Variants in MNS1 observed in about 807,000 individuals in gnomAD.
MNS1 encodes the protein meiosis specific nuclear structural 1.
In MNS1, 63 loss-of-function variants were observed where a neutral mutation model predicts 72.0. That is an observed-to-expected ratio of 0.87 (90% CI 0.71 to 1.08). The LOEUF (loss-of-function observed/expected upper bound fraction) is 1.08, where lower values mean the gene tolerates loss of function less well. MNS1 is among the 50% of genes least tolerant of loss of function. The probability of loss-of-function intolerance (pLI) is 0.00; values close to 1 mark genes in which losing one functional copy is unlikely to be tolerated. For synonymous variants in MNS1, 188 were observed against 172.1 expected (o/e 1.09, Z -0.72); for missense variants, 604 against 562.4 (o/e 1.07, Z -0.75).
chr15:56,446,811 T>C, intron 4 of MNS1, 30 bp downstream of exon 4: 1 of 1,514,340 alleles, frequency 6.6e-7, no homozygotes, highest in Non-Finnish European at 9.1e-7. Context: ...TAAATGAAGC[T>C]AAAAACATAA....
chr15:56,458,918 T>C (rs1357671024), intron 2 of MNS1, among the ~76,000 whole-genome samples: 1 of 152,204 alleles, frequency 6.6e-6, no homozygotes, highest in Non-Finnish European at 1.5e-5. Context: ...ATTATAAACA[T>C]TTGTGCTATG....
intron 7 of MNS1, among the ~76,000 whole-genome samples, chr15:56,441,816 C>G (rs145441269): frequency 3.9e-4 from 60 of 152,138 alleles, no homozygotes; most frequent in Non-Finnish European, 8.2e-4. Flanking sequence ...AGATCGAGAC[C>G]ATCCTGGCTA....
At chr15:56,463,169 ACCACCTTAATC>A (rs1484024883) in intron 2 of MNS1, among the ~76,000 whole-genome samples, 8 of 152,128 alleles carry the variant, frequency 5.3e-5, no homozygotes, top group African/African-American at 1.9e-4. Flanking sequence ...TCCCTTTTCT[ACCACCTTAATC>A]CCTTAAAATG....
chr15:56,463,853 A>T, intron 2 of MNS1, 173 bp downstream of exon 2: 1 of 600,740 alleles, frequency 1.7e-6, no homozygotes, highest in Non-Finnish European at 2.9e-6. Flanking sequence ...GGATTCAAAG[A>T]CAGGCCGGCT....
chr15:56,432,644 ATCTGATTTCCATTTAGTTTTTAG>A (rs1272986659), intron 8 of MNS1, among the ~76,000 whole-genome samples: 1 of 152,168 alleles, frequency 6.6e-6, no homozygotes, highest in African/African-American at 2.4e-5. Context: ...AGGTGGCTTT[ATCTGATTTCCATTTAGTTTTTAG>A]TCTGATTTCT....
chr15:56,464,227 C>G lies in MNS1; in HGVS notation c.24G>C (p.Leu8Phe). ...ATTTCTGATGCCTTTCACTACAGCT[C>G]AAATTTCTCCTTTTGGAACCCTACG... The part of the protein sequence containing the change: MGSKRRN[L>F]SCSERHQKLV... Residue 8 changes from leucine to phenylalanine, a missense_variant, in exon 2 of 10, where the codon TTG becomes TTC. Leu to Phe is a conservative substitution (Grantham distance 22). Transcript: ENST00000260453. The G allele has an allele frequency of 6.2e-7, 1 of 1,607,856 alleles. No individual in the cohort carries two copies. Among genetic ancestry groups the G allele is most frequent in the Non-Finnish European group, 8.5e-7 (1 of 1,178,158 alleles).
At chr15:56,458,038 A>G (rs2050992260) in intron 2 of MNS1, among the ~76,000 whole-genome samples, 1 of 152,230 alleles carries the variant, frequency 6.6e-6, no homozygotes, top group African/African-American at 2.4e-5. Flanking sequence ...CTACTCAGCA[A>G]TAAAAAGAAA....
At chr15:56,462,843 C>T (rs1257916241) in intron 2 of MNS1, among the ~76,000 whole-genome samples, 5 of 152,054 alleles carry the variant, frequency 3.3e-5, no homozygotes, top group African/African-American at 1.2e-4. Context: ...GTTAGATGTA[C>T]ACTTAACTAT....
At chr15:56,437,754 C>T (rs1361587539) in intron 7 of MNS1, among the ~76,000 whole-genome samples, 2 of 152,180 alleles carry the variant, frequency 1.3e-5, no homozygotes, top group African/African-American at 4.8e-5. Flanking sequence ...AGCTGATAAG[C>T]AACTTCAGCA....
intron 4 of MNS1, among the ~76,000 whole-genome samples, chr15:56,445,174 T>C (rs992641043): frequency 6.6e-6 from 1 of 152,022 alleles, no homozygotes; most frequent in Non-Finnish European, 1.5e-5. Context: ...CATTGGCCCT[T>C]GACGTTTCCC....
chr15:56,453,872 C>T lies in MNS1; in HGVS notation c.353+2522G>A, dbSNP rs542376857. 5.9e-5 allele frequency among the ~76,000 whole-genome samples: 9 copies of T among 151,890 alleles called. 1 individual carries two copies. In the South Asian group the frequency reaches 1.3e-3, roughly 21 times the overall value. On this transcript the variant is annotated intron_variant, in intron 3 of 9. Transcript: ENST00000260453. ...AACTTCAATGATTTTTTAAATGTGCCGTGCATTTAAAAAATTAATTTCTTT... is the reference window on the plus strand; with the variant it reads ...AACTTCAATGATTTTTTAAATGTGCTGTGCATTTAAAAAATTAATTTCTTT...
At chr15:56,452,522 C>CTTT (rs200065158) in intron 3 of MNS1, among the ~76,000 whole-genome samples, 1 of 138,882 alleles carries the variant, frequency 7.2e-6, no homozygotes, top group South Asian at 2.3e-4. Flanking sequence ...TTCTTTTTTT[C>CTTT]TTTTTTTTTT....
At chr15:56,463,780 C>CA (rs769290574) in intron 2 of MNS1, 22,293 of 347,320 alleles carry the variant, frequency 0.064, 4 homozygotes, top group East Asian at 0.078. Flanking sequence ...AGACTCCATC[C>CA]AAAAAAAAAA....
At chr15:56,443,339 G>T in intron 7 of MNS1, 91 bp downstream of exon 7, 1 of 912,490 alleles carries the variant, frequency 1.1e-6, no homozygotes, top group Admixed American at 3.3e-5. Context: ...TTACCAGTAT[G>T]GTTGGATTTA....
At chr15:56,461,070 A>G (rs2051016999) in intron 2 of MNS1, among the ~76,000 whole-genome samples, 1 of 152,214 alleles carries the variant, frequency 6.6e-6, no homozygotes, top group African/African-American at 2.4e-5. Flanking sequence ...GCAATCAGGC[A>G]TGAAGAATTC....
chr15:56,443,551 TA>T lies in MNS1; in HGVS notation c.904-15del. ...TTTCTGTGTCAACTATTAAATTTTT[TA>T]AAAAACATAAATATTTATAGGATCC... is the stretch of plus-strand genomic sequence containing the variant. On this transcript the variant is annotated splice_polypyrimidine_tract_variant and intron_variant, in intron 6 of 9. Transcript: ENST00000260453. The T allele has an allele frequency of 3.2e-6, 5 of 1,572,432 alleles. No homozygotes were observed. The highest frequency in any genetic ancestry group is 4.3e-6 in the Non-Finnish European group (5 of 1,164,162).
At position 56,443,437 on chromosome 15, in the gene MNS1, T is replaced by C. The variant is rs1431151626; in HGVS notation, c.1004A>G (p.Lys335Arg). 4 of 1,566,472 alleles carry C rather than the reference T, an allele frequency of 2.6e-6. No homozygotes were observed. The highest frequency in any genetic ancestry group is 3.4e-6 in the Non-Finnish European group (4 of 1,164,606). The change falls in exon 7 of 10, where the codon AAG becomes AGG. Residue 335 changes from lysine to arginine, a missense_variant. Coordinates refer to ENST00000260453, the MANE Select transcript of MNS1 (RefSeq NM_018365.4). ...QEEQAEIYKS[K>R]LKEEAEKKLR... ...TCCATTTCTGAAACTTACTTTTAGC[T>C]TGCTCTTATATATTTCAGCTTGTTC... is the stretch of plus-strand genomic sequence containing the variant.
chr15:56,446,055 CAT>C (rs1596264109), intron 4 of MNS1: 1 of 152,036 alleles, frequency 6.6e-6, no homozygotes, highest in Non-Finnish European at 1.5e-5. Context: ...GCAACACACA[CAT>C]ATATGTGTCA....
rs201829626 is a variant in MNS1, at chr15:56,443,784, C to G, written c.757G>C (p.Ala253Pro). The stretch of plus-strand genomic sequence containing the variant: ...TCACGTTTCTTTTTTCTCCAGAGAG[C>G]CTGCTCTTTCTGAAACTCTTCTATA... The part of the protein sequence containing the change: ...RYIEEFQKEQ[A>P]LWRKKKREEM... Residue 253 changes from alanine (A) to proline (P), a missense_variant, in exon 6 of 10, where the codon GCT becomes CCT. Transcript: ENST00000260453. 4.6e-5 allele frequency: 74 copies of G among 1,612,860 alleles called. No homozygotes were observed. In the East Asian group the frequency reaches 1.5e-3, roughly 33 times the overall value.
Sources: gnomAD v4.1 joint callset for allele counts (sites outside exome capture counted in the v4.1 genomes callset) on GRCh38, gnomAD v4.1.1 for gene constraint, MANE v1.5 for transcripts, NCBI Gene and HGNC (gene_info 2026-07-23, HGNC 2026-07-21) for gene names.